Variants in IPPK observed in about 807,000 individuals in gnomAD.
IPPK encodes IPK1 homolog.
In IPPK, 22 loss-of-function variants were observed where a neutral mutation model predicts 64.6. The ratio of observed to expected loss-of-function variants is 0.34; its 90% confidence interval spans 0.24 to 0.49. The LOEUF is 0.49. Ranked by LOEUF, IPPK falls within the 20% of genes least tolerant of loss-of-function variation. IPPK has a pLI of 0.99. For missense variants in IPPK, 532 were observed against 630.7 expected (o/e 0.84, Z 1.68); for synonymous variants, 262 against 247.2 (o/e 1.06, Z -0.56).
Position 92,635,432 on chromosome 9 carries a change from A to G in IPPK, c.917-124T>C, listed in dbSNP as rs1851923596. ...CGCCATACGGGCATCACCACAGGCAAGGACTGCACCCTGGACTGGCACTAA... is the reference window on the plus strand; with the variant it reads ...CGCCATACGGGCATCACCACAGGCAGGGACTGCACCCTGGACTGGCACTAA... On this transcript the variant is annotated intron_variant, in intron 9 of 12. Transcript: ENST00000287996. The surrounding 1 kb of genome is among the most constrained non-coding windows in gnomAD (Gnocchi z 4.4). 1.0e-6 allele frequency: 1 copy of G among 989,592 alleles called. No homozygotes were observed. The highest frequency in any genetic ancestry group is 2.6e-5 in the East Asian group (1 of 38,186). 61.3% of individuals were successfully genotyped at this position (989,592 alleles called of 1,614,324 possible). A position where few individuals can be genotyped will look rare whatever the true frequency, so the allele number is the denominator to read the frequency against.
intron 4 of IPPK, among the ~76,000 whole-genome samples, chr9:92,650,539 G>A (rs1474937811): frequency 6.6e-6 from 1 of 152,008 alleles, no homozygotes; most frequent in Admixed American, 6.6e-5. Flanking sequence ...ATGGGAGAGT[G>A]AATACTGCCC....
chr9:92,647,966 C>T (rs541240054), intron 6 of IPPK, 93 bp downstream of exon 6: 8 of 735,204 alleles, frequency 1.1e-5, no homozygotes, highest in Non-Finnish European at 1.8e-5. Flanking sequence ...TCCATATTTT[C>T]TTTTACTCTT....
At chr9:92,664,696 G>A (rs1049562975) in intron 1 of IPPK, among the ~76,000 whole-genome samples, 8 of 152,222 alleles carry the variant, frequency 5.3e-5, no homozygotes, top group Admixed American at 2.0e-4. Context: ...AGGGAACTGT[G>A]AGCAAGTCCG....
intron 12 of IPPK, chr9:92,618,647 GGAGTTTTCAACTAAATA>G (rs1851525053): frequency 6.8e-6 from 3 of 442,122 alleles, no homozygotes; most frequent in Non-Finnish European, 1.4e-5. Context: ...GGGGATAACA[GGAGTTTTCAACTAAATA>G]GAACAACCTT....
chr9:92,642,706 T>A, intron 7 of IPPK, 46 bp downstream of exon 7: 68 of 1,475,900 alleles, frequency 4.6e-5, no homozygotes, highest in Non-Finnish European at 5.8e-5. Context: ...CCTACCCATC[T>A]CCAGGGAACC....
At position 92,615,017 on chromosome 9, in the gene IPPK, A is replaced by G. The variant is rs1851389106; in HGVS notation, c.*815T>C. 1 of 152,214 alleles carries G rather than the reference A, an allele frequency of 6.6e-6. No individual in the cohort carries two copies. The highest frequency in any genetic ancestry group is 2.4e-5 in the African/African-American group (1 of 41,452). The allele number at this position is 152,214 out of a possible 1,614,324, so 9.4% of individuals were successfully genotyped here. A position where few individuals can be genotyped will look rare whatever the true frequency, so the allele number is the denominator to read the frequency against. On this transcript the variant is annotated 3_prime_UTR_variant, in exon 13 of 13. Coordinates refer to ENST00000287996, the MANE Select transcript of IPPK (RefSeq NM_022755.6). Reference sequence around the variant, plus strand: ...ACACTGGAGTGTCAGGAAAGCACTGAGCTGTTGGGGCACACTGCCCAGCCC... The same window carrying G: ...ACACTGGAGTGTCAGGAAAGCACTGGGCTGTTGGGGCACACTGCCCAGCCC...
intron 10 of IPPK, 73 bp from the exon 11 acceptor site, chr9:92,634,561 T>A: frequency 1.9e-6 from 2 of 1,027,548 alleles, no homozygotes; most frequent in South Asian, 1.3e-5. Flanking sequence ...GCTAACAGTC[T>A]ACAAAGCCCA....
At chr9:92,666,375 T>C (rs1200345897) in intron 1 of IPPK, among the ~76,000 whole-genome samples, 1 of 152,120 alleles carries the variant, frequency 6.6e-6, no homozygotes, top group Non-Finnish European at 1.5e-5. Flanking sequence ...GGCGCAGGCG[T>C]CACACAGGAG....
chr9:92,628,705 G>A (rs1851777443), intron 11 of IPPK, among the ~76,000 whole-genome samples: 1 of 152,072 alleles, frequency 6.6e-6, no homozygotes, highest in African/African-American at 2.4e-5. Context: ...GCAAAACCCT[G>A]TCTCTAGTAA....
At chr9:92,665,475 C>T (rs7857105) in intron 1 of IPPK, among the ~76,000 whole-genome samples, 30,508 of 152,116 alleles carry the variant, frequency 0.2, 4,083 homozygotes, top group East Asian at 0.73. Context: ...CTCCTTAGAA[C>T]GGACTACTAG....
intron 2 of IPPK, among the ~76,000 whole-genome samples, chr9:92,657,836 C>A (rs867533123): frequency 2.6e-5 from 4 of 152,142 alleles, no homozygotes; most frequent in South Asian, 2.1e-4. Flanking sequence ...CACCACCACC[C>A]CCCGGCCTCC....
Position 92,656,489 on chromosome 9 carries a change from C to G in IPPK, c.192G>C (p.Lys64Asn). 6.2e-7 allele frequency: 1 copy of G among 1,613,584 alleles called. No individual in the cohort carries two copies. Among genetic ancestry groups the G allele is most frequent in the Middle Eastern group, 1.7e-4 (1 of 6,060 alleles). Residue 64 changes from lysine (K) to asparagine (N), a missense_variant, in exon 3 of 13, where the codon AAG becomes AAC. Physicochemically the swap from Lys to Asn is moderately conservative, Grantham distance 94. Transcript: ENST00000287996. ...NIVDFGKNVM[K>N]EFLGENYVHY... ...GAACATAGTTCTCCCCCAAAAACTC[C>G]TTCATGACATTTTTCCCAAAGTCCA...
At chr9:92,668,352 A>C (rs972680134) in intron 1 of IPPK, among the ~76,000 whole-genome samples, 1 of 152,196 alleles carries the variant, frequency 6.6e-6, no homozygotes, top group South Asian at 2.1e-4. Context: ...GGAGATGCCT[A>C]CTCAGGGAAG....
chr9:92,654,259 A>G (rs1358080356), intron 3 of IPPK, among the ~76,000 whole-genome samples: 2 of 152,232 alleles, frequency 1.3e-5, no homozygotes, highest in Admixed American at 6.5e-5. Flanking sequence ...GTTCACACCT[A>G]TAATCCCAGC....
chr9:92,629,811 G>A lies in IPPK; in HGVS notation c.1170+4575C>T, dbSNP rs191138180. 2.0e-5 allele frequency among the ~76,000 whole-genome samples: 3 copies of A among 152,048 alleles called. No individual in the cohort carries two copies. The East Asian group carries it at 5.8e-4, about 29-fold the overall frequency. On this transcript the variant is annotated intron_variant, in intron 11 of 12. Transcript: ENST00000287996. ...CATGAAAAGATGCTCTTAGTCTTCA[G>A]GGAAATACAAATCAAAACTACAAGA...
chr9:92,649,423 A>C (rs1412883637), intron 5 of IPPK, 30 bp downstream of exon 5: 1 of 1,613,280 alleles, frequency 6.2e-7, no homozygotes, highest in African/African-American at 1.3e-5. Flanking sequence ...TTTCCCCTTT[A>C]CCCACACCAT....
intron 5 of IPPK, among the ~76,000 whole-genome samples, chr9:92,649,201 A>G (rs1852207366): frequency 1.3e-5 from 2 of 152,212 alleles, no homozygotes; most frequent in Admixed American, 1.3e-4. Context: ...TAGCCCAGGC[A>G]TGCAGGGTGG....
Position 92,648,070 on chromosome 9 carries a change from G to A in IPPK, c.493C>T (p.Gln165Ter). ...KHKVCRYCMH[Q>*]HLKVATGKWK... ...GCATTGGCTCTCACCTTGAGGTGCT[G>A]GTGCATGCAGTATCGACAGACCTTA... The change falls in exon 6 of 13, where the codon CAG becomes TAG. Residue 165 changes from glutamine (Q) to a stop codon, truncating the protein, a stop_gained. Coordinates refer to ENST00000287996, the MANE Select transcript of IPPK (RefSeq NM_022755.6). LOFTEE classifies it high-confidence loss of function. The A allele has an allele frequency of 6.2e-7, 1 of 1,612,302 alleles. No homozygotes were observed. The highest frequency in any genetic ancestry group is 8.5e-7 in the Non-Finnish European group (1 of 1,178,876).
Position 92,613,431 on chromosome 9 carries a change from G to T in IPPK, c.*2401C>A. 1 of 347,170 alleles carries T rather than the reference G, an allele frequency of 2.9e-6. No homozygotes were observed. The highest frequency in any genetic ancestry group is 5.5e-6 in the Non-Finnish European group (1 of 181,360). The allele number at this position is 347,170 out of a possible 1,614,324, so 21.5% of individuals were successfully genotyped here. ...TGGTTGTGTGTCCTCAGATGTGTGG[G>T]GAGGATCCATCCCCCACCCACTGCA... is the stretch of plus-strand genomic sequence containing the variant. On this transcript the variant is annotated 3_prime_UTR_variant, in exon 13 of 13. Coordinates refer to ENST00000287996, the MANE Select transcript of IPPK (RefSeq NM_022755.6).
Sources: allele counts gnomAD v4.1 joint callset (sites outside exome capture counted in the v4.1 genomes callset), GRCh38; gene constraint gnomAD v4.1.1; non-coding constraint Gnocchi (gnomAD v3.1); transcripts MANE v1.5; gene names NCBI Gene and HGNC (gene_info 2026-07-23, HGNC 2026-07-21).